FYN: variants seen among roughly 807,000 people sequenced by gnomAD.
FYN encodes tyrosine-protein kinase Fyn.
In FYN, 10 loss-of-function variants were observed where a neutral mutation model predicts 70.2. The ratio of observed to expected loss-of-function variants is 0.14; its 90% CI spans 0.09 to 0.24. FYN has a LOEUF of 0.24. Ranked by LOEUF, FYN falls within the 10% of genes least tolerant of loss-of-function variation. FYN has a pLI of 1.00. For missense variants in FYN, 319 were observed against 673.1 expected (o/e 0.47, Z 5.82); for synonymous variants, 236 against 248.6 (o/e 0.95, Z 0.48).
chr6:111,668,237 A>G (rs1197874734), intron 13 of FYN, among the ~76,000 whole-genome samples: 6 of 152,242 alleles, frequency 3.9e-5, no homozygotes, highest in Admixed American at 1.3e-4. Flanking sequence ...GTTAGGTTTT[A>G]GTATAGGATC....
At chr6:111,772,848 G>A (rs1283413116) in intron 3 of FYN, among the ~76,000 whole-genome samples, 2 of 151,346 alleles carry the variant, frequency 1.3e-5, no homozygotes, top group African/African-American at 4.9e-5. Context: ...TACAGATTTT[G>A]GGGTGGGGGC....
At chr6:111,690,338 G>A (rs1041665147) in intron 12 of FYN, among the ~76,000 whole-genome samples, 4 of 152,166 alleles carry the variant, frequency 2.6e-5, no homozygotes, top group African/African-American at 9.7e-5. Flanking sequence ...CTGTGGCAGT[G>A]AGACCCAGTG....
intron 3 of FYN, among the ~76,000 whole-genome samples, chr6:111,745,998 T>G (rs781169801): frequency 3.2e-4 from 49 of 152,220 alleles, no homozygotes; most frequent in Non-Finnish European, 4.6e-4. Context: ...CACTGTGTAT[T>G]GCAGCACCAG....
At chr6:111,840,346 G>A (rs1374031464) in intron 2 of FYN, among the ~76,000 whole-genome samples, 2 of 152,198 alleles carry the variant, frequency 1.3e-5, no homozygotes, top group African/African-American at 2.4e-5. Flanking sequence ...GGGCTGCAGA[G>A]GAAGACACAC....
intron 3 of FYN, among the ~76,000 whole-genome samples, chr6:111,757,749 T>C (rs913564412): frequency 2.6e-5 from 4 of 152,208 alleles, no homozygotes; most frequent in Admixed American, 6.5e-5. Context: ...GTTACTTCTG[T>C]TGAAATTTCA....
chr6:111,736,515 G>T (rs1801718014), intron 3 of FYN, among the ~76,000 whole-genome samples: 3 of 152,148 alleles, frequency 2.0e-5, no homozygotes, highest in Admixed American at 2.0e-4. Context: ...TGCCTTAGAA[G>T]ATTCCAGGTA....
chr6:111,663,917 G>A (rs2237251), intron 13 of FYN, among the ~76,000 whole-genome samples: 5,439 of 151,968 alleles, frequency 0.036, 123 homozygotes, highest in East Asian at 0.097. Context: ...AGATAAACGC[G>A]GACAGAGGCC....
chr6:111,747,565 C>G (rs973225523), intron 3 of FYN, among the ~76,000 whole-genome samples: 2 of 152,186 alleles, frequency 1.3e-5, no homozygotes, highest in Non-Finnish European at 2.9e-5. Context: ...CAGCTCCTCC[C>G]CCTGACATTA....
At chr6:111,769,391 G>C (rs938166445) in intron 3 of FYN, among the ~76,000 whole-genome samples, 5 of 152,092 alleles carry the variant, frequency 3.3e-5, no homozygotes, top group Admixed American at 3.3e-4. Context: ...GGAGTCTGTC[G>C]CCATTCTTTT....
chr6:111,702,602 T>C (rs572201594), intron 8 of FYN: 2 of 285,416 alleles, frequency 7.0e-6, no homozygotes, highest in African/African-American at 2.2e-5. Context: ...AACTTGAAGA[T>C]GAAAAAACAA....
At chr6:111,733,716 C>T (rs1312773938) in intron 3 of FYN, among the ~76,000 whole-genome samples, 8 of 152,168 alleles carry the variant, frequency 5.3e-5, no homozygotes, top group Non-Finnish European at 1.2e-4. Context: ...AGCCTGGAAC[C>T]AGGCTGCTGA....
At chr6:111,719,679 G>T in intron 4 of FYN, 126 bp downstream of exon 4, 2 of 1,066,922 alleles carry the variant, frequency 1.9e-6, no homozygotes, top group Non-Finnish European at 2.7e-6. Flanking sequence ...TAGTAGAGGA[G>T]ACAGATTAGA....
At chr6:111,763,874 G>C (rs976564277) in intron 3 of FYN, among the ~76,000 whole-genome samples, 11 of 152,090 alleles carry the variant, frequency 7.2e-5, no homozygotes, top group African/African-American at 2.4e-4. Flanking sequence ...ATAAAATGTG[G>C]GTAACAATGC....
At chr6:111,827,940 C>A (rs1254860362) in intron 2 of FYN, among the ~76,000 whole-genome samples, 1 of 152,170 alleles carries the variant, frequency 6.6e-6, no homozygotes, top group East Asian at 1.9e-4. Context: ...GCCCTCCTTA[C>A]TCTCTTGGCC....
intron 5 of FYN, among the ~76,000 whole-genome samples, chr6:111,711,000 C>T (rs996336366): frequency 3.9e-5 from 6 of 152,170 alleles, no homozygotes; most frequent in African/African-American, 1.4e-4. Flanking sequence ...TTTATAACAG[C>T]TGTCTCTGTT....
At chr6:111,721,625 G>C (rs1334644263) in intron 3 of FYN, among the ~76,000 whole-genome samples, 1 of 151,898 alleles carries the variant, frequency 6.6e-6, no homozygotes, top group East Asian at 1.9e-4. Flanking sequence ...GGCTGGTCTT[G>C]AACTCCTGAC....
intron 2 of FYN, among the ~76,000 whole-genome samples, chr6:111,809,064 T>C (rs917545190): frequency 5.3e-5 from 8 of 152,174 alleles, no homozygotes; most frequent in African/African-American, 1.9e-4. Context: ...AAGGAAAATA[T>C]CTCAGATTTT....
At chr6:111,867,874 C>T (rs2114538351) in intron 1 of FYN, among the ~76,000 whole-genome samples, 1 of 152,314 alleles carries the variant, frequency 6.6e-6, no homozygotes, top group Non-Finnish European at 1.5e-5. Flanking sequence ...TTAAATGGCA[C>T]TCAGGATAAA....
intron 3 of FYN, among the ~76,000 whole-genome samples, chr6:111,763,194 C>A (rs1304268839): frequency 1.3e-5 from 2 of 152,178 alleles, no homozygotes; most frequent in Non-Finnish European, 2.9e-5. Context: ...GCTAGCCAAA[C>A]CAATGTATAC....
Sources: allele counts gnomAD v4.1 joint callset (sites outside exome capture counted in the v4.1 genomes callset), GRCh38; gene constraint gnomAD v4.1.1; transcripts MANE v1.5; gene names NCBI Gene and HGNC (gene_info 2026-07-23, HGNC 2026-07-21).